PTPRG: variants seen among roughly 807,000 people sequenced by gnomAD.
PTPRG encodes receptor-type tyrosine-protein phosphatase gamma.
Under a neutral mutation model 165.3 loss-of-function variants are expected in PTPRG, and 102 were observed. The observed-to-expected ratio is 0.62, with a 90% CI of 0.53 to 0.73. The LOEUF is 0.73. Among genes scored for constraint, PTPRG ranks in the 30% least tolerant of loss-of-function variants. PTPRG has a pLI of 0.00. For synonymous variants in PTPRG, 675 were observed against 669.5 expected (o/e 1.01, Z -0.13); for missense variants, 1,866 against 1,861.4 (o/e 1.00, Z -0.05).
chr3:62,141,601 C>G (rs1372301344), intron 6 of PTPRG, among the ~76,000 whole-genome samples: 1 of 151,290 alleles, frequency 6.6e-6, no homozygotes, highest in East Asian at 1.9e-4. Flanking sequence ...CTGGTCTTAA[C>G]AAAAAAGAAG....
chr3:62,018,517 A>G (rs893043284), intron 4 of PTPRG, among the ~76,000 whole-genome samples: 4 of 152,214 alleles, frequency 2.6e-5, no homozygotes, highest in African/African-American at 4.8e-5. Flanking sequence ...CCAATCCTCT[A>G]AATGATTCGA....
chr3:61,693,779 G>T (rs2030374585), intron 1 of PTPRG, among the ~76,000 whole-genome samples: 1 of 152,132 alleles, frequency 6.6e-6, no homozygotes, highest in South Asian at 2.1e-4. Flanking sequence ...GCTGAGGTGG[G>T]CAGATTGCCT....
chr3:62,068,249 C>T (rs148428197), intron 4 of PTPRG, among the ~76,000 whole-genome samples: 234 of 152,214 alleles, frequency 1.5e-3, no homozygotes, highest in Middle Eastern at 6.8e-3. Context: ...GTGCTTTATG[C>T]TTGAGGCTGC....
chr3:62,275,530 G>C (rs950092117), intron 23 of PTPRG, among the ~76,000 whole-genome samples: 1 of 152,136 alleles, frequency 6.6e-6, no homozygotes, highest in Non-Finnish European at 1.5e-5. Context: ...TGTTCTCTGG[G>C]GCTGGGCATG....
At chr3:62,256,525 G>T (rs1329980373) in intron 16 of PTPRG, among the ~76,000 whole-genome samples, 2 of 152,148 alleles carry the variant, frequency 1.3e-5, no homozygotes, top group African/African-American at 4.8e-5. Context: ...TACTAAAAAA[G>T]GTGCCTATTC....
In PTPRG at chr3:62,173,685, C is replaced by A. The variant is rs182354397; in HGVS notation, c.1033+5522C>A. ...CTTACACTTCACTTTAACACCCGGTCATCTTTCACATCAGAGGGGTAACCA... is the reference window on the plus strand; with the variant it reads ...CTTACACTTCACTTTAACACCCGGTAATCTTTCACATCAGAGGGGTAACCA... On this transcript the variant is annotated intron_variant, in intron 8 of 29. Coordinates refer to ENST00000474889, the MANE Select transcript of PTPRG (RefSeq NM_002841.4). Among the ~76,000 whole-genome samples, 450 of 152,310 alleles carry A rather than the reference C, an allele frequency of 3.0e-3. 3 individuals are homozygous for A. Among genetic ancestry groups the A allele is most frequent in the African/African-American group, 0.01 (423 of 41,560 alleles).
chr3:62,165,270 C>A (rs781030288), intron 7 of PTPRG, among the ~76,000 whole-genome samples: 1 of 152,116 alleles, frequency 6.6e-6, no homozygotes, highest in African/African-American at 2.4e-5. Context: ...TGGGCTGTCT[C>A]CAGAGGGTCT....
chr3:61,628,248 CCTTTG>C (rs1360141736), intron 1 of PTPRG, among the ~76,000 whole-genome samples: 3 of 152,038 alleles, frequency 2.0e-5, no homozygotes, highest in African/African-American at 7.2e-5. Context: ...TCCCTCTTTC[CCTTTG>C]CTTGTAATTT....
chr3:61,572,367 T>C (rs1700076032), intron 1 of PTPRG, among the ~76,000 whole-genome samples: 1 of 152,180 alleles, frequency 6.6e-6, no homozygotes, highest in South Asian at 2.1e-4. Flanking sequence ...TAATGTGATT[T>C]ATGATTGGAG....
Position 62,242,445 on chromosome 3 carries a change from G to C in PTPRG, c.2376-1362G>C, listed in dbSNP as rs1701180770. The stretch of plus-strand genomic sequence containing the variant: ...ATGGTATGGAGCAGCAGTCTAGATT[G>C]ATTCTAGAGCACTATCCAAATGGAA... On this transcript the variant is annotated intron_variant, in intron 14 of 29. Transcript: ENST00000474889. 2.6e-5 allele frequency among the ~76,000 whole-genome samples: 4 copies of C among 152,182 alleles called. No homozygotes were observed. In the South Asian group the frequency reaches 8.3e-4, roughly 31 times the overall value.
chr3:61,611,488 A>G lies in PTPRG; in HGVS notation c.85+49116A>G, dbSNP rs1390704787. 3.9e-5 allele frequency among the ~76,000 whole-genome samples: 6 copies of G among 152,070 alleles called. No homozygotes were observed. In the South Asian group the frequency reaches 1.2e-3, roughly 32 times the overall value. On this transcript the variant is annotated intron_variant, in intron 1 of 29. Transcript: ENST00000474889. ...TTTATGTATGTTGTGCCATTTACTG[A>G]TTTTTCTAGTAGACTTTTTGGAGAA... is the stretch of plus-strand genomic sequence containing the variant.
intron 2 of PTPRG, among the ~76,000 whole-genome samples, chr3:61,929,084 C>T (rs186445063): frequency 4.7e-4 from 72 of 152,268 alleles, no homozygotes; most frequent in Admixed American, 6.5e-4. Context: ...CCTAGAGTGG[C>T]ATAACCAAAA....
chr3:61,717,252 A>G (rs2031848428), intron 1 of PTPRG, among the ~76,000 whole-genome samples: 1 of 152,172 alleles, frequency 6.6e-6, no homozygotes, highest in African/African-American at 2.4e-5. Context: ...AATGGTTACA[A>G]TTTATTCATG....
intron 4 of PTPRG, among the ~76,000 whole-genome samples, chr3:62,024,428 C>T (rs1170732334): frequency 6.6e-6 from 1 of 152,118 alleles, no homozygotes; most frequent in Non-Finnish European, 1.5e-5. Flanking sequence ...ATAGAGCATA[C>T]ACTTTTTAAT....
intron 13 of PTPRG, among the ~76,000 whole-genome samples, chr3:62,230,670 C>T (rs766508327): frequency 3.9e-5 from 6 of 152,184 alleles, no homozygotes; most frequent in Non-Finnish European, 7.3e-5. Flanking sequence ...GTTCCCATCT[C>T]CCTGAGGTGC....
intron 7 of PTPRG, among the ~76,000 whole-genome samples, chr3:62,166,125 TCAGCTTTTCTCTTCATTC>T (rs1315307945): frequency 6.6e-6 from 1 of 151,176 alleles, no homozygotes; most frequent in East Asian, 1.9e-4. Context: ...AACAGTTCAT[TCAGCTTTTCTCTTCATTC>T]TATTTTCTTC....
At chr3:61,979,760 G>A (rs1487959027) in intron 2 of PTPRG, among the ~76,000 whole-genome samples, 4 of 152,098 alleles carry the variant, frequency 2.6e-5, no homozygotes, top group African/African-American at 4.8e-5. Flanking sequence ...TCCCCAGATA[G>A]CATTTAATAG....
intron 2 of PTPRG, among the ~76,000 whole-genome samples, chr3:61,909,850 G>A (rs542630389): frequency 2.0e-5 from 3 of 152,144 alleles, no homozygotes; most frequent in South Asian, 4.1e-4. Context: ...GATTTTTATC[G>A]CTGATAAATA....
intron 7 of PTPRG, among the ~76,000 whole-genome samples, chr3:62,158,192 G>A (rs539398893): frequency 1.5e-4 from 23 of 152,326 alleles, no homozygotes; most frequent in African/African-American, 5.5e-4. Context: ...TCCAGGCAGT[G>A]AGAGGTCTTT....
Sources: allele counts gnomAD v4.1 joint callset (sites outside exome capture counted in the v4.1 genomes callset), GRCh38; gene constraint gnomAD v4.1.1; transcripts MANE v1.5; gene names NCBI Gene and HGNC (gene_info 2026-07-23, HGNC 2026-07-21).